The following PIGX variants were observed in gnomAD, a reference collection of about 807,000 sequenced individuals.
PIGX encodes the protein phosphatidylinositol glycan anchor biosynthesis class X.
Under a neutral mutation model 28.7 loss-of-function variants are expected in PIGX, and 24 were observed. That is an observed-to-expected ratio of 0.84 (90% confidence interval 0.60 to 1.17). The LOEUF is 1.17. PIGX is among the 50% of genes most tolerant of loss of function. The pLI is 0.00. For synonymous variants in PIGX, 127 were observed against 121.0 expected, an observed-to-expected ratio of 1.05 and a Z score of -0.33; for missense variants, 305 against 317.8, an observed-to-expected ratio of 0.96 and a Z score of 0.31.
intron 5 of PIGX, 113 bp downstream of exon 5, chr3:196,731,205 TCTCG>T (rs1712740761): frequency 2.1e-6 from 1 of 472,362 alleles, no homozygotes; most frequent in African/African-American, 2.1e-5. Flanking sequence ...TTAGGCGGAG[TCTCG>T]CTCTGTCACC....
intron 2 of PIGX, chr3:196,721,100 T>A (rs531111775): frequency 3.5e-6 from 1 of 288,122 alleles, no homozygotes; most frequent in Non-Finnish European, 6.6e-6. Context: ...TGTAGACTTA[T>A]AATTTTATGA....
intron 2 of PIGX, among the ~76,000 whole-genome samples, chr3:196,718,484 C>T (rs1011782127): frequency 4.6e-5 from 7 of 151,960 alleles, no homozygotes; most frequent in Non-Finnish European, 1.5e-5. Context: ...CCTTTTCTTC[C>T]TCTGTTTTGA....
intron 2 of PIGX, among the ~76,000 whole-genome samples, chr3:196,721,708 A>G (rs969552112): frequency 5.3e-5 from 8 of 151,642 alleles, no homozygotes; most frequent in African/African-American, 1.5e-4. Context: ...CAGCCTCCCA[A>G]TGTGCTGGGA....
intron 3 of PIGX, among the ~76,000 whole-genome samples, chr3:196,727,372 T>G (rs539243138): frequency 1.8e-4 from 28 of 152,380 alleles, no homozygotes; most frequent in African/African-American, 6.3e-4. Context: ...TACCATATTA[T>G]TTTAAGCAAT....
intron 3 of PIGX, chr3:196,726,670 C>T (rs1042916039): frequency 3.3e-5 from 15 of 456,268 alleles, no homozygotes; most frequent in Admixed American, 7.1e-5. Flanking sequence ...GACTTCATGG[C>T]GGCGGCTATG....
chr3:196,719,915 G>A (rs1241605907), intron 2 of PIGX, among the ~76,000 whole-genome samples: 1 of 151,822 alleles, frequency 6.6e-6, no homozygotes, highest in African/African-American at 2.4e-5. Context: ...TCAGCCTCCC[G>A]ATTACAGGCG....
In PIGX at chr3:196,724,121, TCTC is replaced by T; in HGVS notation, c.318+1568_318+1570del. ...AAACCTCTGCCTCCCAGGTTCAAGT[TCTC>T]CTGCCTCAGCCTCCCGAGTAGCTAG... On this transcript the variant is annotated intron_variant, in intron 3 of 5. Transcript: ENST00000392391. Among the ~76,000 whole-genome samples the T allele has an allele frequency of 2.6e-5, 4 of 151,870 alleles. No individual in the cohort carries two copies. The Middle Eastern group carries it at 0.014, about 517-fold the overall frequency.
intron 1 of PIGX, among the ~76,000 whole-genome samples, chr3:196,715,901 A>G (rs1712077580): frequency 6.6e-6 from 1 of 152,112 alleles, no homozygotes; most frequent in African/African-American, 2.4e-5. Flanking sequence ...TGTTCTTCCC[A>G]CAGATTTACA....
chr3:196,719,396 T>G (rs749136594), intron 2 of PIGX, among the ~76,000 whole-genome samples: 1 of 152,210 alleles, frequency 6.6e-6, no homozygotes, highest in Non-Finnish European at 1.5e-5. Flanking sequence ...TTGTTACATA[T>G]GTATATGTGT....
rs1053538198 is a variant in PIGX, at chr3:196,722,312, T to G, written c.177-103T>G. The G allele has an allele frequency of 3.6e-6, 3 of 822,648 alleles. No homozygotes were observed. The African/African-American group carries it at 5.2e-5, about 14-fold the overall frequency. The allele number at this position is 822,648 out of a possible 1,614,324, so 51.0% of individuals were successfully genotyped here. ...GACCTTATAATCTACTTTTGGAAAA[T>G]GAATTTTGAAATACAGTGTTTTCAC... On this transcript the variant is annotated intron_variant, in intron 2 of 5. Transcript: ENST00000392391.
Position 196,735,433 on chromosome 3 carries a change from T to C in PIGX, c.*1531T>C, listed in dbSNP as rs927307416. ...TATTGAGATGTGATAAACCTTTGTA[T>C]ATGCCATCACTGCTCCATTTCCTAA... On this transcript the variant is annotated 3_prime_UTR_variant, in exon 6 of 6. Coordinates refer to ENST00000392391, the MANE Select transcript of PIGX (RefSeq NM_017861.4). The C allele has an allele frequency of 6.6e-6, 1 of 152,006 alleles. No individual in the cohort carries two copies. The highest frequency in any genetic ancestry group is 2.4e-5 in the African/African-American group (1 of 41,394). The allele number at this position is 152,006 out of a possible 1,614,324, so 9.4% of individuals were successfully genotyped here. A position where few individuals can be genotyped will look rare whatever the true frequency, so the allele number is the denominator to read the frequency against.
intron 2 of PIGX, among the ~76,000 whole-genome samples, chr3:196,720,471 G>A (rs1487859867): frequency 1.3e-5 from 2 of 152,160 alleles, no homozygotes; most frequent in African/African-American, 2.4e-5. Context: ...GGTTGCTCCT[G>A]CCTTTTGGCT....
chr3:196,716,439 G>C (rs1417053510), intron 1 of PIGX, among the ~76,000 whole-genome samples: 1 of 152,104 alleles, frequency 6.6e-6, no homozygotes, highest in African/African-American at 2.4e-5. Context: ...TAGCCATCCT[G>C]TTCCTTTTTG....
chr3:196,729,708 G>A (rs1038999943), intron 4 of PIGX, among the ~76,000 whole-genome samples: 4 of 151,324 alleles, frequency 2.6e-5, no homozygotes, highest in African/African-American at 7.3e-5. Context: ...TTTAGTTTAC[G>A]AAGCCCCTTT....
At position 196,722,421 on chromosome 3, in the gene PIGX, T is replaced by C; in HGVS notation, c.183T>C (p.Leu61=). ...CAATGTACTTGTCTTACAGAGACCT[T>C]TTAATCAAAGTGAAGTTTGGGGAAA... The change falls in exon 3 of 6, where the codon CTT becomes CTC. Residue 61 remains leucine, a synonymous_variant. Transcript: ENST00000392391. 1 of 1,610,510 alleles carries C rather than the reference T, an allele frequency of 6.2e-7. No homozygotes were observed. The highest frequency in any genetic ancestry group is 1.3e-5 in the African/African-American group (1 of 74,936).
chr3:196,726,810 C>A (rs1712541211), intron 3 of PIGX: 2 of 373,806 alleles, frequency 5.4e-6, no homozygotes, highest in South Asian at 4.0e-5. Context: ...AAAGAAATAA[C>A]CTTATAACAG....
chr3:196,719,509 A>G (rs1209454642), intron 2 of PIGX, among the ~76,000 whole-genome samples: 2 of 152,094 alleles, frequency 1.3e-5, no homozygotes, highest in Non-Finnish European at 2.9e-5. Context: ...ATGATTAGCT[A>G]TACCTCTCTG....
rs559685032 is a variant in PIGX, at chr3:196,731,913, G to A, written c.633+821G>A. 7.2e-5 allele frequency among the ~76,000 whole-genome samples: 11 copies of A among 151,740 alleles called. No homozygotes were observed. The South Asian group carries it at 1.5e-3, about 20-fold the overall frequency. ...GCAATCTTGGCTCACTGCAACCTCCGCCTCCCTGTTCAATCAGTTCTCCTG... is the reference window on the plus strand; with the variant it reads ...GCAATCTTGGCTCACTGCAACCTCCACCTCCCTGTTCAATCAGTTCTCCTG... On this transcript the variant is annotated intron_variant, in intron 5 of 5. Coordinates refer to ENST00000392391, the MANE Select transcript of PIGX (RefSeq NM_017861.4).
Position 196,712,622 on chromosome 3 carries a change from C to A in PIGX, c.90C>A (p.Phe30Leu). The A allele has an allele frequency of 8.4e-7, 1 of 1,189,880 alleles. No individual in the cohort carries two copies. The highest frequency in any genetic ancestry group is 1.0e-6 in the Non-Finnish European group (1 of 960,882). The allele number at this position is 1,189,880 out of a possible 1,614,324, so 73.7% of individuals were successfully genotyped here. The stretch of plus-strand genomic sequence containing the variant: ...TCACGCGCGGGCCCGCCGCGGCCTT[C>A]ACCGCCGCGCGCTCTGACGCCGGTA... Residue 30 changes from phenylalanine to leucine, a missense_variant, in exon 1 of 6, where the codon TTC becomes TTA. Phe to Leu is a conservative substitution (Grantham distance 22, BLOSUM62 0). Transcript: ENST00000392391.
Sources: allele counts gnomAD v4.1 joint callset (sites outside exome capture counted in the v4.1 genomes callset), GRCh38; gene constraint gnomAD v4.1.1; transcripts MANE v1.5; gene names NCBI Gene and HGNC (gene_info 2026-07-23, HGNC 2026-07-21).